Variants in DTX2 observed in about 807,000 individuals in gnomAD.
DTX2 encodes the protein deltex E3 ubiquitin ligase 2, also known as probable E3 ubiquitin-protein ligase DTX2.
A neutral mutation model predicts 55.3 loss-of-function variants in DTX2; 29 were observed. The observed-to-expected ratio is 0.52, with a 90% CI of 0.39 to 0.71. DTX2 has a LOEUF of 0.71. Among genes scored for constraint, DTX2 ranks in the 30% least tolerant of loss-of-function variants. DTX2 has a pLI of 0.00. For missense variants in DTX2, 537 were observed against 822.5 expected, an observed-to-expected ratio of 0.65 and a Z score of 4.25; for synonymous variants, 276 against 340.4, an observed-to-expected ratio of 0.81 and a Z score of 2.08.
intron 2 of DTX2, among the ~76,000 whole-genome samples, chr7:76,473,596 G>A (rs1421674704): frequency 1.9e-5 from 2 of 103,210 alleles, no homozygotes; most frequent in African/African-American, 3.7e-5. Flanking sequence ...CTTGAGGCCA[G>A]GAGTTTGAGA....
At chr7:76,483,298 G>A in intron 4 of DTX2, 151 bp downstream of exon 4, 1 of 1,139,186 alleles carries the variant, frequency 8.8e-7, no homozygotes, top group Non-Finnish European at 1.2e-6. Flanking sequence ...GTGCCGAGGT[G>A]CCGTGGCCAT....
In DTX2 at chr7:76,480,852, G is replaced by T. The variant is rs551607052; in HGVS notation, c.268+75G>T. The T allele has an allele frequency of 1.3e-5, 19 of 1,469,842 alleles. No homozygotes were observed. The East Asian group carries it at 4.2e-4, about 32-fold the overall frequency. The allele number at this position is 1,469,842 out of a possible 1,614,324, so 91.0% of individuals were successfully genotyped here. On this transcript the variant is annotated intron_variant, in intron 3 of 10. Coordinates refer to ENST00000430490, the MANE Select transcript of DTX2 (RefSeq NM_001102594.3). ...CCCACAGGCTCTGCGCCAGGTGTTGGGGTGATGGACGTGACTTACAGAGCT... is the reference window on the plus strand; with the variant it reads ...CCCACAGGCTCTGCGCCAGGTGTTGTGGTGATGGACGTGACTTACAGAGCT...
chr7:76,486,884 C>CTGCTGCTGCTGCTGCTGCTTT (rs59594095), intron 4 of DTX2, among the ~76,000 whole-genome samples: 3,612 of 148,896 alleles, frequency 0.024, 21 homozygotes, highest in African/African-American at 0.059. Context: ...GCTGCTGCTG[C>CTGCTGCTGCTGCTGCTGCTTT]TGCCCTTGCC....
Position 76,496,593 on chromosome 7 carries a change from CAGGG to C in DTX2, c.1010-741_1010-738del, listed in dbSNP as rs1810935617. 3.1e-5 allele frequency among the ~76,000 whole-genome samples: 2 copies of C among 64,308 alleles called. 1 individual carries two copies. Among genetic ancestry groups the C allele is most frequent in the Admixed American group, 2.9e-4 (2 of 6,820 alleles). 42.2% of individuals were successfully genotyped at this position (64,308 alleles called of 152,430 possible). The stretch of plus-strand genomic sequence containing the variant: ...TGTGTCCCAGGAAGCGCTGGGTCAT[CAGGG>C]AGCACGAAGGAAGCAGTGTCAGAGG... On this transcript the variant is annotated intron_variant, in intron 5 of 10. Coordinates refer to ENST00000430490, the MANE Select transcript of DTX2 (RefSeq NM_001102594.3).
At chr7:76,480,888 C>G in intron 3 of DTX2, 111 bp downstream of exon 3, 1 of 1,250,806 alleles carries the variant, frequency 8.0e-7, no homozygotes, top group African/African-American at 1.5e-5. Context: ...TCTGCTCTCT[C>G]CCTGCAGCAC....
intron 2 of DTX2, among the ~76,000 whole-genome samples, chr7:76,478,447 C>T (rs1365987448): frequency 1.4e-5 from 2 of 147,406 alleles, no homozygotes; most frequent in Non-Finnish European, 3.0e-5. Context: ...GAGGTGGGAC[C>T]TCTTGTCACC....
At chr7:76,503,635 C>T (rs1029017474) in intron 9 of DTX2, 48 bp downstream of exon 9, 4 of 1,515,154 alleles carry the variant, frequency 2.6e-6, no homozygotes, top group South Asian at 1.2e-5. Context: ...CCTCTTCCCA[C>T]CCCGCCCACA....
At chr7:76,466,070 TGC>T (rs1380339077) in intron 2 of DTX2, among the ~76,000 whole-genome samples, 1 of 115,148 alleles carries the variant, frequency 8.7e-6, no homozygotes, top group Admixed American at 1.0e-4. Context: ...GGAAGGAAGA[TGC>T]GTTTGGCCTC....
At chr7:76,498,415 C>T (rs1368837342) in intron 6 of DTX2, among the ~76,000 whole-genome samples, 2 of 151,644 alleles carry the variant, frequency 1.3e-5, no homozygotes, top group Non-Finnish European at 2.9e-5. Context: ...GAGCCAGACT[C>T]GTTGGCAGCC....
intron 5 of DTX2, among the ~76,000 whole-genome samples, chr7:76,495,778 G>T (rs572695730): frequency 7.2e-4 from 109 of 152,176 alleles, no homozygotes; most frequent in African/African-American, 2.5e-3. Context: ...GAGTCCAGCA[G>T]GGTGGGGCGG....
At chr7:76,467,172 G>A (rs1215285983) in intron 2 of DTX2, among the ~76,000 whole-genome samples, 7 of 151,120 alleles carry the variant, frequency 4.6e-5, no homozygotes, top group African/African-American at 1.7e-4. Flanking sequence ...GTGCTGGGAT[G>A]ATAGACATGA....
chr7:76,463,128 C>G (rs1355921515), intron 1 of DTX2, among the ~76,000 whole-genome samples: 1 of 150,002 alleles, frequency 6.7e-6, no homozygotes, highest in African/African-American at 2.5e-5. Context: ...GAAAAGGGCT[C>G]AGAGCCAGGC....
intron 2 of DTX2, among the ~76,000 whole-genome samples, chr7:76,473,014 G>C (rs1808128172): frequency 6.6e-6 from 1 of 151,890 alleles, no homozygotes; most frequent in Admixed American, 6.6e-5. Flanking sequence ...TTAATAAATA[G>C]AGATGGGGGT....
chr7:76,473,139 T>A (rs997964075), intron 2 of DTX2, among the ~76,000 whole-genome samples: 3 of 152,096 alleles, frequency 2.0e-5, no homozygotes, highest in African/African-American at 7.2e-5. Flanking sequence ...CCGCTGATTT[T>A]AACTTGTATG....
intron 2 of DTX2, chr7:76,477,288 C>T (rs1239985967): frequency 6.9e-6 from 1 of 145,822 alleles, no homozygotes; most frequent in Non-Finnish European, 1.5e-5. Context: ...TGTTGCAGGC[C>T]TGACTCACCT....
intron 2 of DTX2, among the ~76,000 whole-genome samples, chr7:76,469,237 C>A (rs965595415): frequency 6.6e-6 from 1 of 150,494 alleles, no homozygotes; most frequent in African/African-American, 2.5e-5. Context: ...GCTGTGGCCA[C>A]CCAGAGAGGA....
intron 2 of DTX2, among the ~76,000 whole-genome samples, chr7:76,468,701 A>AC (rs1312291871): frequency 3.6e-5 from 2 of 56,122 alleles, no homozygotes; most frequent in Non-Finnish European, 6.3e-5. Flanking sequence ...CAGGTGATCC[A>AC]CCCCCGCTTG....
At chr7:76,498,881 GGTGTGGGGTGTATGGA>G (rs1811271339) in intron 6 of DTX2, among the ~76,000 whole-genome samples, 1 of 89,674 alleles carries the variant, frequency 1.1e-5, no homozygotes, top group Non-Finnish European at 2.1e-5. Flanking sequence ...GGTGTGTGGA[GGTGTGGGGTGTATGGA>G]GGTGTGGAGT....
chr7:76,471,656 A>C (rs1176933660), intron 2 of DTX2, among the ~76,000 whole-genome samples: 1 of 151,034 alleles, frequency 6.6e-6, no homozygotes, highest in Non-Finnish European at 1.5e-5. Context: ...CAGCCAGTCA[A>C]AGTGCTGGGA....
Sources: gnomAD v4.1 joint callset for allele counts (sites outside exome capture counted in the v4.1 genomes callset) on GRCh38, gnomAD v4.1.1 for gene constraint, MANE v1.5 for transcripts, NCBI Gene and HGNC (gene_info 2026-07-23, HGNC 2026-07-21) for gene names.